BZW2: variants seen among roughly 807,000 people sequenced by gnomAD.
The protein encoded by BZW2 is basic leucine zipper and W2 domains 2, also known as eIF5-mimic protein 1.
In BZW2, 23 loss-of-function variants were observed where a neutral mutation model predicts 53.2. The observed-to-expected ratio is 0.43, with a 90% confidence interval of 0.31 to 0.61. The LOEUF is 0.61. Among genes scored for constraint, BZW2 ranks in the 20% least tolerant of loss-of-function variants. BZW2 has a pLI of 0.09. For synonymous variants in BZW2, 227 were observed against 186.4 expected, an observed-to-expected ratio of 1.22 and a Z score of -1.77; for missense variants, 409 against 503.1, an observed-to-expected ratio of 0.81 and a Z score of 1.79.
At chr7:16,651,251 A>T (rs1277941290) in intron 1 of BZW2, among the ~76,000 whole-genome samples, 13 of 152,216 alleles carry the variant, frequency 8.5e-5, no homozygotes, top group Admixed American at 6.5e-4. Context: ...TGAGAACTTT[A>T]AAAAATATAA....
intron 7 of BZW2, among the ~76,000 whole-genome samples, chr7:16,691,168 T>C (rs1301959927): frequency 2.0e-5 from 3 of 152,258 alleles, no homozygotes; most frequent in Admixed American, 6.5e-5. Flanking sequence ...GTCTAGATTC[T>C]AGTTCATAAT....
intron 2 of BZW2, among the ~76,000 whole-genome samples, chr7:16,668,287 G>GTT (rs1782491086): frequency 6.6e-6 from 1 of 152,220 alleles, no homozygotes; most frequent in African/African-American, 2.4e-5. Context: ...TTTGTCTTCA[G>GTT]TTAAGAACCA....
intron 10 of BZW2, among the ~76,000 whole-genome samples, chr7:16,698,818 C>T (rs2128369709): frequency 6.6e-6 from 1 of 152,066 alleles, no homozygotes; most frequent in Non-Finnish European, 1.5e-5. Flanking sequence ...TTTTTTGGGC[C>T]TACATTTATG....
intron 7 of BZW2, among the ~76,000 whole-genome samples, chr7:16,691,210 A>T (rs890614514): frequency 6.6e-6 from 1 of 152,138 alleles, no homozygotes; most frequent in African/African-American, 2.4e-5. Context: ...CTGAATGTCT[A>T]CCCTGTGCTG....
At chr7:16,678,686 T>C (rs1401650351) in intron 3 of BZW2, among the ~76,000 whole-genome samples, 1 of 152,228 alleles carries the variant, frequency 6.6e-6, no homozygotes, top group Non-Finnish European at 1.5e-5. Context: ...AAGATCATTA[T>C]CTAAGTTTGT....
At chr7:16,662,775 A>C (rs987663796) in intron 1 of BZW2, among the ~76,000 whole-genome samples, 2 of 149,484 alleles carry the variant, frequency 1.3e-5, no homozygotes, top group African/African-American at 2.6e-5. Flanking sequence ...AGAGAGAAAA[A>C]AGGAAGGAAG....
chr7:16,646,681 A>G (rs1474845781), intron 1 of BZW2, among the ~76,000 whole-genome samples: 2 of 152,152 alleles, frequency 1.3e-5, no homozygotes, highest in Non-Finnish European at 2.9e-5. Context: ...GCGCCCCATT[A>G]CTAGCGAGTC....
At chr7:16,667,641 G>A (rs1782471243) in intron 2 of BZW2, among the ~76,000 whole-genome samples, 1 of 152,152 alleles carries the variant, frequency 6.6e-6, no homozygotes, top group African/African-American at 2.4e-5. Flanking sequence ...TCACTAGGAA[G>A]CAGTAAGACT....
intron 9 of BZW2, among the ~76,000 whole-genome samples, chr7:16,697,416 C>T (rs1783534118): frequency 6.6e-6 from 1 of 152,174 alleles, no homozygotes; most frequent in Non-Finnish European, 1.5e-5. Flanking sequence ...GAGAGTATGA[C>T]AAATGGGTTC....
chr7:16,653,642 A>G (rs1207284685), intron 1 of BZW2, among the ~76,000 whole-genome samples: 4 of 152,336 alleles, frequency 2.6e-5, no homozygotes, highest in Non-Finnish European at 5.9e-5. Context: ...CTTCCAGTGA[A>G]AAAGCACTTT....
At chr7:16,660,859 G>T (rs1045981053) in intron 1 of BZW2, among the ~76,000 whole-genome samples, 1 of 151,962 alleles carries the variant, frequency 6.6e-6, no homozygotes, top group Admixed American at 6.6e-5. Context: ...ACCTCCTGGG[G>T]GTCCAATCTG....
chr7:16,681,224 G>A (rs1193390671), intron 3 of BZW2, 77 bp from the exon 4 acceptor site: 8 of 1,126,516 alleles, frequency 7.1e-6, no homozygotes, highest in Non-Finnish European at 1.0e-5. Flanking sequence ...TCTTTCATTT[G>A]CCAGAATTGA....
chr7:16,701,912 A>T (rs945921713), intron 10 of BZW2, among the ~76,000 whole-genome samples: 2 of 152,148 alleles, frequency 1.3e-5, no homozygotes, highest in Non-Finnish European at 2.9e-5. Flanking sequence ...ATAGGACCAC[A>T]GAGGGAGGGC....
chr7:16,679,732 CTAT>C (rs1782879524), intron 3 of BZW2, among the ~76,000 whole-genome samples: 6 of 152,210 alleles, frequency 3.9e-5, no homozygotes, highest in Admixed American at 2.0e-4. Context: ...TCAGCTTTGA[CTAT>C]TATTGTATCC....
chr7:16,694,886 C>A lies in BZW2; in HGVS notation c.704C>A (p.Thr235Asn). The change falls in exon 8 of 12, where the codon ACT becomes AAT. Residue 235 changes from threonine (T) to asparagine (N), a missense_variant. Physicochemically the swap from Thr to Asn is moderately conservative, Grantham distance 65. Transcript: ENST00000258761. ...GTGGATCATTTTGCTAAATACTTCA[C>A]TGACGCAGGTCTTAAGGAGCTTTCC... ...QSVDHFAKYF[T>N]DAGLKELSDF... The A allele has an allele frequency of 1.3e-6, 2 of 1,575,114 alleles. No homozygotes were observed. The highest frequency in any genetic ancestry group is 1.7e-4 in the Middle Eastern group (1 of 5,882).
At chr7:16,647,322 T>C (rs557128496) in intron 1 of BZW2, among the ~76,000 whole-genome samples, 23 of 152,332 alleles carry the variant, frequency 1.5e-4, no homozygotes, top group African/African-American at 5.1e-4. Flanking sequence ...TGAGTAATTA[T>C]GTAGGTGGTT....
chr7:16,684,544 C>T (rs1047048948), intron 5 of BZW2, among the ~76,000 whole-genome samples: 3 of 152,060 alleles, frequency 2.0e-5, no homozygotes, highest in Non-Finnish European at 4.4e-5. Context: ...TATGTGTGAG[C>T]TTAAAGAAGT....
chr7:16,673,028 C>G (rs1454279802), intron 2 of BZW2, among the ~76,000 whole-genome samples: 1 of 152,036 alleles, frequency 6.6e-6, no homozygotes, highest in African/African-American at 2.4e-5. Context: ...TCACTGCAAG[C>G]TCCGCCTCCC....
At chr7:16,649,724 G>A (rs990728971) in intron 1 of BZW2, among the ~76,000 whole-genome samples, 2 of 151,970 alleles carry the variant, frequency 1.3e-5, no homozygotes, top group East Asian at 1.9e-4. Context: ...AGTAGATTAC[G>A]GTTATATTTT....
Sources: gnomAD v4.1 joint callset for allele counts (sites outside exome capture counted in the v4.1 genomes callset) on GRCh38, gnomAD v4.1.1 for gene constraint, MANE v1.5 for transcripts, NCBI Gene and HGNC (gene_info 2026-07-23, HGNC 2026-07-21) for gene names.